The following SLC8A1 variants were observed in gnomAD, a reference collection of about 807,000 sequenced individuals.
The protein encoded by SLC8A1 is solute carrier family 8 member A1, also known as sodium/calcium exchanger 1.
SLC8A1 carries 18 observed loss-of-function variants against 68.3 expected under a neutral mutation model. The ratio of observed to expected loss-of-function variants is 0.26; its 90% CI spans 0.18 to 0.39. The LOEUF is 0.39. Among genes scored for constraint, SLC8A1 ranks in the 10% least tolerant of loss-of-function variants. SLC8A1 has a pLI of 1.00. For synonymous variants in SLC8A1, 475 were observed against 415.5 expected (o/e 1.14, Z -1.74); for missense variants, 985 against 1,156.7 (o/e 0.85, Z 2.15).
intron 2 of SLC8A1, among the ~76,000 whole-genome samples, chr2:40,410,742 A>G (rs1041611940): frequency 6.6e-6 from 1 of 152,080 alleles, no homozygotes; most frequent in Non-Finnish European, 1.5e-5. Flanking sequence ...GAGCTCACCT[A>G]TAAGTTATCT....
intron 2 of SLC8A1, among the ~76,000 whole-genome samples, chr2:40,413,001 A>T (rs929329454): frequency 1.3e-5 from 2 of 152,082 alleles, no homozygotes; most frequent in Non-Finnish European, 2.9e-5. Context: ...TGCTGCACCC[A>T]TTAACTTGTC....
exon 2 of SLC8A1, chr2:40,428,508 A>G (rs757029498): frequency 3.1e-6 from 5 of 1,610,306 alleles, no homozygotes; most frequent in Admixed American, 1.7e-5. Flanking sequence ...GCTCTCCACA[A>G]GTGTCCTCAA....
chr2:40,224,923 A>G (rs917092684), intron 2 of SLC8A1, among the ~76,000 whole-genome samples: 4 of 152,194 alleles, frequency 2.6e-5, no homozygotes, highest in Non-Finnish European at 5.9e-5. Flanking sequence ...CTTAATTTTT[A>G]CAACTCCTGA....
chr2:40,418,557 T>C (rs1694564771), intron 2 of SLC8A1, among the ~76,000 whole-genome samples: 1 of 152,172 alleles, frequency 6.6e-6, no homozygotes, highest in African/African-American at 2.4e-5. Flanking sequence ...CCTGGCTAAG[T>C]ACTTTCAATG....
At chr2:40,444,079 A>G (rs1700996637) in intron 1 of SLC8A1, among the ~76,000 whole-genome samples, 1 of 152,146 alleles carries the variant, frequency 6.6e-6, no homozygotes, top group Non-Finnish European at 1.5e-5. Context: ...GCTCATGACT[A>G]TAATCCCAGC....
At chr2:40,321,648 G>C (rs1398012728) in intron 2 of SLC8A1, among the ~76,000 whole-genome samples, 1 of 152,050 alleles carries the variant, frequency 6.6e-6, no homozygotes, top group Non-Finnish European at 1.5e-5. Context: ...TAAAGGAGAA[G>C]TGCCGAGTAA....
chr2:40,260,028 A>C, intron 2 of SLC8A1, among the ~76,000 whole-genome samples: 1 of 152,252 alleles, frequency 6.6e-6, no homozygotes. Flanking sequence ...GCTGATTACA[A>C]GTACAGTGTG....
At position 40,379,538 on chromosome 2, in the gene SLC8A1, C is replaced by G. The variant is rs114884705; in HGVS notation, c.1808+48935G>C. 8.5e-3 allele frequency among the ~76,000 whole-genome samples: 1,287 copies of G among 152,226 alleles called. 6 individuals carry two copies. The highest frequency in any genetic ancestry group is 0.023 in the South Asian group (112 of 4,822). Reference sequence around the variant, plus strand: ...GTGTCCCCCATGAACCCTCTGGTCACCTAACCGAAGTCGCCCCCTTGCCTG... The same window carrying G: ...GTGTCCCCCATGAACCCTCTGGTCAGCTAACCGAAGTCGCCCCCTTGCCTG... On this transcript the variant is annotated intron_variant, in intron 2 of 7. Transcript: ENST00000406785.
intron 2 of SLC8A1, among the ~76,000 whole-genome samples, chr2:40,422,806 T>C (rs1576368039): frequency 2.0e-5 from 3 of 152,276 alleles, no homozygotes; most frequent in African/African-American, 7.2e-5. Flanking sequence ...AGAGGCAAAG[T>C]AGTATGGAAG....
intron 2 of SLC8A1, among the ~76,000 whole-genome samples, chr2:40,291,447 G>T (rs980496631): frequency 6.6e-6 from 1 of 152,090 alleles, no homozygotes; most frequent in South Asian, 2.1e-4. Flanking sequence ...AAGTTTCCTA[G>T]GTTTCAAGCT....
At chr2:40,173,236 C>G (rs944962551) in intron 4 of SLC8A1, among the ~76,000 whole-genome samples, 1 of 151,974 alleles carries the variant, frequency 6.6e-6, no homozygotes, top group African/African-American at 2.4e-5. Flanking sequence ...AGAGTGTTTA[C>G]AAGGGGACTT....
chr2:40,280,538 C>G (rs2067357236), intron 2 of SLC8A1, among the ~76,000 whole-genome samples: 1 of 152,180 alleles, frequency 6.6e-6, no homozygotes, highest in Admixed American at 6.5e-5. Context: ...GCAATACCAT[C>G]ATGCTAAATT....
chr2:40,394,750 T>TA (rs71406060), intron 2 of SLC8A1, among the ~76,000 whole-genome samples: 10 of 151,470 alleles, frequency 6.6e-5, no homozygotes, highest in East Asian at 3.9e-4. Flanking sequence ...CCTCCTTCTT[T>TA]AAAAAAAAAT....
intron 2 of SLC8A1, among the ~76,000 whole-genome samples, chr2:40,380,046 T>G (rs1473794126): frequency 6.6e-6 from 1 of 152,168 alleles, no homozygotes; most frequent in Admixed American, 6.6e-5. Flanking sequence ...TATATCATAA[T>G]GTCTACAATG....
intron 2 of SLC8A1, 100 bp downstream of exon 3, chr2:40,178,287 G>A: frequency 1.2e-6 from 1 of 865,416 alleles, no homozygotes; most frequent in Non-Finnish European, 1.9e-6. Flanking sequence ...TAGGTGGAGG[G>A]ATGTGTGCAT....
intron 1 of SLC8A1, among the ~76,000 whole-genome samples, chr2:40,474,463 C>T (rs1458778779): frequency 6.6e-6 from 1 of 152,088 alleles, no homozygotes; most frequent in African/African-American, 2.4e-5. Context: ...TTTTTTGACA[C>T]CTCACTACTT....
chr2:40,252,929 GTA>G (rs2063073223), intron 2 of SLC8A1, among the ~76,000 whole-genome samples: 2 of 122,836 alleles, frequency 1.6e-5, no homozygotes, highest in African/African-American at 7.8e-5. Context: ...ATACATACAT[GTA>G]TATGTATGTA....
intron 1 of SLC8A1, among the ~76,000 whole-genome samples, chr2:40,466,114 T>C (rs1267836787): frequency 6.6e-6 from 1 of 152,124 alleles, no homozygotes; most frequent in African/African-American, 2.4e-5. Flanking sequence ...TCAGGTATTT[T>C]TTCATAACAG....
intron 2 of SLC8A1, among the ~76,000 whole-genome samples, chr2:40,244,664 T>A (rs397868983): frequency 6.8e-6 from 1 of 148,006 alleles, no homozygotes; most frequent in Non-Finnish European, 1.5e-5. Context: ...CGAGGCCTTT[T>A]CCTACTGCTG....
Sources: allele counts gnomAD v4.1 joint callset (sites outside exome capture counted in the v4.1 genomes callset), GRCh38; gene constraint gnomAD v4.1.1; transcripts MANE v1.5; gene names NCBI Gene and HGNC (gene_info 2026-07-23, HGNC 2026-07-21).